SDK1: variants seen among roughly 807,000 people sequenced by gnomAD.
SDK1 encodes the protein protein sidekick-1.
SDK1 carries 157 observed loss-of-function variants against 245.5 expected under a neutral mutation model. The ratio of observed to expected loss-of-function variants is 0.64; its 90% confidence interval spans 0.56 to 0.73. SDK1 has a LOEUF of 0.73. Ranked by LOEUF, SDK1 falls within the 30% of genes least tolerant of loss-of-function variation. The probability of loss-of-function intolerance (pLI) is 0.00; values close to 1 mark genes in which losing one functional copy is unlikely to be tolerated. For synonymous variants in SDK1, 1,647 were observed against 1,278.5 expected, an observed-to-expected ratio of 1.29 and a Z score of -6.15; for missense variants, 3,583 against 3,002.3, an observed-to-expected ratio of 1.19 and a Z score of -4.52.
At chr7:4,157,738 T>C (rs890972255) in intron 30 of SDK1, among the ~76,000 whole-genome samples, 9 of 152,298 alleles carry the variant, frequency 5.9e-5, no homozygotes, top group African/African-American at 2.2e-4. Flanking sequence ...AGTTTTATCA[T>C]CCTTGAAATG....
At chr7:4,217,342 ACGC>A (rs2128230473) in intron 38 of SDK1, among the ~76,000 whole-genome samples, 2 of 125,850 alleles carry the variant, frequency 1.6e-5, no homozygotes, top group African/African-American at 6.0e-5. Flanking sequence ...CCGGAGAACC[ACGC>A]CACCCGGAGA....
chr7:3,881,373 G>A lies in SDK1; in HGVS notation c.847+59790G>A, dbSNP rs540872915. 9.9e-5 allele frequency among the ~76,000 whole-genome samples: 15 copies of A among 152,210 alleles called. No individual in the cohort carries two copies. The South Asian group carries it at 1.5e-3, about 15-fold the overall frequency. The stretch of plus-strand genomic sequence containing the variant: ...GAAGTGTTTGGTTTTCTGTTCCTGC[G>A]TTGGTTTTCTGAATATAACGTCTTC... On this transcript the variant is annotated intron_variant, in intron 5 of 44. Transcript: ENST00000404826.
At chr7:3,881,187 G>T (rs1781200127) in intron 5 of SDK1, among the ~76,000 whole-genome samples, 1 of 151,928 alleles carries the variant, frequency 6.6e-6, no homozygotes, top group Non-Finnish European at 1.5e-5. Flanking sequence ...TTTGCTACAC[G>T]AATCAACCCA....
At chr7:3,319,433 T>C (rs1779739821) in intron 1 of SDK1, among the ~76,000 whole-genome samples, 2 of 151,826 alleles carry the variant, frequency 1.3e-5, no homozygotes, top group African/African-American at 4.8e-5. Context: ...TCCTTATCAG[T>C]GTGTTCCCAT....
At chr7:3,645,782 C>G (rs1782815703) in intron 4 of SDK1, among the ~76,000 whole-genome samples, 1 of 152,070 alleles carries the variant, frequency 6.6e-6, no homozygotes, top group African/African-American at 2.4e-5. Context: ...ACAGAGATGC[C>G]ATTTAAAAAC....
chr7:4,112,993 A>T (rs773749421), intron 23 of SDK1, among the ~76,000 whole-genome samples: 1 of 151,904 alleles, frequency 6.6e-6, no homozygotes, highest in Non-Finnish European at 1.5e-5. Context: ...ACCTCAGGTG[A>T]TCCCCCGCTG....
chr7:4,223,476 A>C (rs1289123138), intron 40 of SDK1, among the ~76,000 whole-genome samples: 1 of 152,178 alleles, frequency 6.6e-6, no homozygotes, highest in African/African-American at 2.4e-5. Context: ...TGTTTCCTGT[A>C]ACCTCTCCCC....
intron 1 of SDK1, among the ~76,000 whole-genome samples, chr7:3,528,305 T>G (rs1783219022): frequency 3.7e-5 from 5 of 133,532 alleles, no homozygotes; most frequent in East Asian, 2.2e-4. Flanking sequence ...AGGGGGTGAA[T>G]GGTAGGAGGT....
At chr7:3,321,777 TCTC>T (rs1440219005) in intron 1 of SDK1, among the ~76,000 whole-genome samples, 4 of 35,970 alleles carry the variant, frequency 1.1e-4, no homozygotes. Context: ...CTTCCTTCCT[TCTC>T]CTTCCTTCCT....
In SDK1 at chr7:3,974,521, C is replaced by A. The variant is rs1383345583; in HGVS notation, c.1970C>A (p.Ser657Tyr). 1 of 1,614,092 alleles carries A rather than the reference C, an allele frequency of 6.2e-7. No individual in the cohort carries two copies. The change falls in exon 13 of 45, where the codon TCC (serine) becomes TAC (tyrosine). Residue 657 changes from serine to tyrosine, a missense_variant. Ser to Tyr is a moderately radical substitution (Grantham distance 144). Coordinates refer to ENST00000404826, the MANE Select transcript of SDK1 (RefSeq NM_152744.4). ...CEIVSEGGND[S>Y]RMARLEVIEL... Reference sequence around the variant, plus strand: ...ATTGTTTCTGAAGGAGGGAATGACTCCAGGATGGCCCGGCTGGAAGTGATG... The same window carrying A: ...ATTGTTTCTGAAGGAGGGAATGACTACAGGATGGCCCGGCTGGAAGTGATG...
chr7:4,244,088 G>A (rs1438699397), intron 43 of SDK1, among the ~76,000 whole-genome samples: 4 of 152,158 alleles, frequency 2.6e-5, no homozygotes, highest in Non-Finnish European at 5.9e-5. Flanking sequence ...GAGAAACTGA[G>A]GCACACCCTG....
intron 40 of SDK1, among the ~76,000 whole-genome samples, chr7:4,225,604 G>C (rs555236680): frequency 8.5e-5 from 13 of 152,238 alleles, no homozygotes; most frequent in Non-Finnish European, 1.8e-4. Flanking sequence ...CAGGACGCCT[G>C]TTGGTTACTG....
At chr7:3,372,690 G>T (rs1583760377) in intron 1 of SDK1, among the ~76,000 whole-genome samples, 1 of 152,174 alleles carries the variant, frequency 6.6e-6, no homozygotes, top group South Asian at 2.1e-4. Flanking sequence ...GTTGGAGTTT[G>T]TTACTTGCAG....
intron 44 of SDK1, among the ~76,000 whole-genome samples, chr7:4,254,597 G>A (rs568398847): frequency 2.1e-3 from 314 of 148,010 alleles, no homozygotes; most frequent in Non-Finnish European, 3.3e-3. Flanking sequence ...TGCCTGCTTA[G>A]TCCAATGTTT....
At chr7:3,555,945 G>A (rs927528884) in intron 1 of SDK1, among the ~76,000 whole-genome samples, 10 of 152,096 alleles carry the variant, frequency 6.6e-5, no homozygotes, top group African/African-American at 2.4e-4. Context: ...TGGAGAAAAG[G>A]GAATCCTCAT....
chr7:3,578,057 T>G (rs535550207), intron 1 of SDK1, among the ~76,000 whole-genome samples: 1 of 152,040 alleles, frequency 6.6e-6, no homozygotes, highest in Admixed American at 6.5e-5. Context: ...TTTTTTGTAT[T>G]CATCTTGTAT....
intron 4 of SDK1, among the ~76,000 whole-genome samples, chr7:3,767,206 G>A (rs1780278684): frequency 6.6e-6 from 1 of 152,134 alleles, no homozygotes; most frequent in Non-Finnish European, 1.5e-5. Context: ...ATGGAGGGAG[G>A]GGTGGGCCCT....
At chr7:3,718,096 T>C (rs1030265186) in intron 4 of SDK1, among the ~76,000 whole-genome samples, 2 of 152,148 alleles carry the variant, frequency 1.3e-5, no homozygotes, top group Admixed American at 6.5e-5. Context: ...ATTCCAGGCA[T>C]GCAAGGCTGG....
intron 1 of SDK1, among the ~76,000 whole-genome samples, chr7:3,302,969 G>A (rs531842760): frequency 6.6e-6 from 1 of 152,140 alleles, no homozygotes; most frequent in South Asian, 2.1e-4. Flanking sequence ...CATTTTAAAG[G>A]TCTGAGCTCA....
Sources: gnomAD v4.1 joint callset for allele counts (sites outside exome capture counted in the v4.1 genomes callset) on GRCh38, gnomAD v4.1.1 for gene constraint, MANE v1.5 for transcripts, NCBI Gene and HGNC (gene_info 2026-07-23, HGNC 2026-07-21) for gene names.